The following IGF1R variants were observed in gnomAD, a reference collection of about 807,000 sequenced individuals.
The protein encoded by IGF1R is insulin like growth factor 1 receptor.
In IGF1R, 44 loss-of-function variants were observed where a neutral mutation model predicts 144.6. The observed-to-expected ratio is 0.30, with a 90% confidence interval of 0.24 to 0.39. IGF1R has a LOEUF of 0.39. Ranked by LOEUF, IGF1R falls within the 10% of genes least tolerant of loss-of-function variation. The probability of loss-of-function intolerance (pLI) is 1.00; values close to 1 mark genes in which losing one functional copy is unlikely to be tolerated. For synonymous variants in IGF1R, 795 were observed against 722.8 expected, an observed-to-expected ratio of 1.10 and a Z score of -1.60; for missense variants, 1,355 against 1,833.7, an observed-to-expected ratio of 0.74 and a Z score of 4.77.
At chr15:98,809,002 A>T (rs916971311) in intron 2 of IGF1R, among the ~76,000 whole-genome samples, 4 of 152,194 alleles carry the variant, frequency 2.6e-5, no homozygotes, top group Admixed American at 2.6e-4. Context: ...GATTCTTATC[A>T]ACAGTTAAAA....
chr15:98,937,637 T>TA (rs1203341148), intron 17 of IGF1R, among the ~76,000 whole-genome samples: 3 of 152,246 alleles, frequency 2.0e-5, no homozygotes, highest in African/African-American at 7.2e-5. Flanking sequence ...AGTAGGTGTA[T>TA]ATGTATACTT....
intron 2 of IGF1R, among the ~76,000 whole-genome samples, chr15:98,715,764 G>C (rs1479609010): frequency 6.6e-6 from 1 of 152,112 alleles, no homozygotes; most frequent in Non-Finnish European, 1.5e-5. Context: ...GCTATAAAAG[G>C]TGGGGTCTCT....
At position 98,891,207 on chromosome 15, in the gene IGF1R, A is replaced by C. The variant is rs903472379; in HGVS notation, c.641-118A>C. On this transcript the variant is annotated intron_variant, in intron 2 of 20. Coordinates refer to ENST00000650285, the MANE Select transcript of IGF1R (RefSeq NM_000875.5). The surrounding 1 kb of genome is among the most constrained non-coding windows in gnomAD (Gnocchi z 4.7). ...TAGTGTGTTTTTGCATTGTCTCCTC[A>C]ATGAGTGATCTGGTGCTGGTGGTAG... 2.3e-5 allele frequency: 21 copies of C among 914,754 alleles called. No homozygotes were observed. The African/African-American group carries it at 3.3e-4, about 14-fold the overall frequency. 56.7% of individuals were successfully genotyped at this position (914,754 alleles called of 1,614,324 possible). A position where few individuals can be genotyped will look rare whatever the true frequency, so the allele number is the denominator to read the frequency against.
intron 8 of IGF1R, among the ~76,000 whole-genome samples, chr15:98,915,702 C>T (rs893512048): frequency 5.9e-5 from 9 of 152,222 alleles, no homozygotes; most frequent in African/African-American, 2.2e-4. Context: ...GCTTGTGCCC[C>T]CGCAGCCTTT....
intron 2 of IGF1R, among the ~76,000 whole-genome samples, chr15:98,874,690 C>G (rs1000475503): frequency 6.6e-6 from 1 of 152,184 alleles, no homozygotes; most frequent in Non-Finnish European, 1.5e-5. Flanking sequence ...TCTTGAGTTG[C>G]TTTCAGCTCC....
At chr15:98,778,789 G>A (rs141787388) in intron 2 of IGF1R, among the ~76,000 whole-genome samples, 1 of 152,166 alleles carries the variant, frequency 6.6e-6, no homozygotes, top group African/African-American at 2.4e-5. Flanking sequence ...GAGAGTGGGT[G>A]GATCACACAT....
At position 98,799,026 on chromosome 15, in the gene IGF1R, G is replaced by C. The variant is rs191629418; in HGVS notation, c.640+90919G>C. 3.2e-3 allele frequency among the ~76,000 whole-genome samples: 489 copies of C among 152,196 alleles called. 3 individuals carry two copies. Among genetic ancestry groups the C allele is most frequent in the Non-Finnish European group, 4.0e-3 (274 of 67,996 alleles). On this transcript the variant is annotated intron_variant, in intron 2 of 20. Transcript: ENST00000650285. ...ACTTGACAGAATTATGTGTGTCCTG[G>C]TATGTATTTCAGTTTTCTTTAGGGA...
chr15:98,918,424 C>A (rs1245135105), intron 10 of IGF1R, among the ~76,000 whole-genome samples: 1 of 152,084 alleles, frequency 6.6e-6, no homozygotes, highest in East Asian at 1.9e-4. Flanking sequence ...GCCAAGTGAC[C>A]TTTTTGATAT....
chr15:98,875,131 G>A (rs1344071771), intron 2 of IGF1R, among the ~76,000 whole-genome samples: 1 of 152,046 alleles, frequency 6.6e-6, no homozygotes, highest in Non-Finnish European at 1.5e-5. Context: ...GCTCCGGGAC[G>A]AGGATGCTCC....
At chr15:98,883,929 C>T (rs1171868484) in intron 2 of IGF1R, among the ~76,000 whole-genome samples, 1 of 152,142 alleles carries the variant, frequency 6.6e-6, no homozygotes, top group African/African-American at 2.4e-5. Flanking sequence ...TTGTTGAAAA[C>T]TCTTTGCCTT....
At chr15:98,826,789 ATAAAGAC>A in intron 2 of IGF1R, among the ~76,000 whole-genome samples, 1 of 152,364 alleles carries the variant, frequency 6.6e-6, no homozygotes, top group East Asian at 1.9e-4. Flanking sequence ...AACCAATGTG[ATAAAGAC>A]AGAGGGAAGT....
intron 2 of IGF1R, among the ~76,000 whole-genome samples, chr15:98,885,317 G>A (rs1596395514): frequency 6.6e-6 from 1 of 152,178 alleles, no homozygotes; most frequent in Non-Finnish European, 1.5e-5. Flanking sequence ...GAATGCCCAC[G>A]TCCTGGGTGG....
chr15:98,710,668 CTTTTTTTT>C (rs34054503), intron 2 of IGF1R, among the ~76,000 whole-genome samples: 1 of 140,128 alleles, frequency 7.1e-6, no homozygotes, highest in Non-Finnish European at 1.5e-5. Flanking sequence ...CCTTTTTATT[CTTTTTTTT>C]TTTTTTTGAG....
intron 9 of IGF1R, 174 bp from the exon 10 acceptor site, chr15:98,916,498 G>A: frequency 1.5e-6 from 1 of 679,760 alleles, no homozygotes; most frequent in East Asian, 2.8e-5. Flanking sequence ...CTAACCTCAG[G>A]TGATTTGCCC....
chr15:98,768,378 A>AGGC (rs2055489368), intron 2 of IGF1R, among the ~76,000 whole-genome samples: 1 of 152,102 alleles, frequency 6.6e-6, no homozygotes, highest in Admixed American at 6.5e-5. Context: ...GTACTTTGGG[A>AGGC]GGCTGAGGCG....
At chr15:98,764,354 A>G (rs1465933630) in intron 2 of IGF1R, among the ~76,000 whole-genome samples, 4 of 152,112 alleles carry the variant, frequency 2.6e-5, no homozygotes, top group Non-Finnish European at 4.4e-5. Context: ...TTTTTGTTAC[A>G]CTAGTTTTAT....
At chr15:98,708,598 G>A (rs1372742353) in intron 2 of IGF1R, among the ~76,000 whole-genome samples, 1 of 152,200 alleles carries the variant, frequency 6.6e-6, no homozygotes, top group African/African-American at 2.4e-5. Context: ...GGAAGGTAAA[G>A]CACTAACTCA....
At chr15:98,793,369 G>C (rs1264388613) in intron 2 of IGF1R, among the ~76,000 whole-genome samples, 1 of 152,172 alleles carries the variant, frequency 6.6e-6, no homozygotes, top group Non-Finnish European at 1.5e-5. Context: ...GAGGCCTTAG[G>C]TTGTATCAGG....
chr15:98,746,896 T>C (rs967922614), intron 2 of IGF1R, among the ~76,000 whole-genome samples: 16 of 152,148 alleles, frequency 1.1e-4, no homozygotes, highest in African/African-American at 3.9e-4. Flanking sequence ...CTAATTATGG[T>C]TGGCAAAGAA....
Sources: allele counts gnomAD v4.1 joint callset (sites outside exome capture counted in the v4.1 genomes callset), GRCh38; gene constraint gnomAD v4.1.1; non-coding constraint Gnocchi (gnomAD v3.1); transcripts MANE v1.5; gene names NCBI Gene and HGNC (gene_info 2026-07-23, HGNC 2026-07-21).